NCAM2: variants seen among roughly 807,000 people sequenced by gnomAD.
NCAM2 encodes neural cell adhesion molecule 2, also known as N-CAM-2.
NCAM2 carries 30 observed loss-of-function variants against 98.1 expected under a neutral mutation model. The observed-to-expected ratio is 0.31, with a 90% confidence interval of 0.23 to 0.41. NCAM2 has a LOEUF of 0.41. Among genes scored for constraint, NCAM2 ranks in the 10% least tolerant of loss-of-function variants. NCAM2 has a pLI of 1.00. For missense variants in NCAM2, 867 were observed against 1,005.8 expected (o/e 0.86, Z 1.87); for synonymous variants, 368 against 342.4 (o/e 1.07, Z -0.83).
chr21:21,484,715 C>T (rs1274914071), intron 15 of NCAM2, among the ~76,000 whole-genome samples: 1 of 152,162 alleles, frequency 6.6e-6, no homozygotes, highest in African/African-American at 2.4e-5. Context: ...AGCTTTTTCT[C>T]CTTCCCCCAA....
At chr21:21,353,630 T>C (rs1330579392) in intron 8 of NCAM2, among the ~76,000 whole-genome samples, 1 of 152,208 alleles carries the variant, frequency 6.6e-6, no homozygotes, top group Non-Finnish European at 1.5e-5. Context: ...AATAGAAATA[T>C]AGATTTCTTA....
chr21:21,181,940 C>T (rs578136243), intron 1 of NCAM2, among the ~76,000 whole-genome samples: 12 of 151,636 alleles, frequency 7.9e-5, no homozygotes, highest in African/African-American at 2.7e-4. Flanking sequence ...TGCCTATAAT[C>T]CCAGCAATTT....
At chr21:21,445,386 C>G (rs1408037771) in intron 12 of NCAM2, among the ~76,000 whole-genome samples, 1 of 151,940 alleles carries the variant, frequency 6.6e-6, no homozygotes, top group African/African-American at 2.4e-5. Flanking sequence ...CCTGAATATC[C>G]TTGTTGATTT....
chr21:21,174,323 GTTAAAT>G (rs2068216478), intron 1 of NCAM2, among the ~76,000 whole-genome samples: 1 of 152,130 alleles, frequency 6.6e-6, no homozygotes, highest in South Asian at 2.1e-4. Context: ...AAGATGCCTA[GTTAAAT>G]TTAAATTTCC....
At chr21:21,131,279 T>TTG (rs1555888573) in intron 1 of NCAM2, among the ~76,000 whole-genome samples, 1 of 144,682 alleles carries the variant, frequency 6.9e-6, no homozygotes, top group African/African-American at 2.6e-5. Context: ...TTAATTTTTC[T>TTG]GGGGGGGGGC....
rs988503360 is a variant in NCAM2, at chr21:21,542,440, A to G, written c.*4483A>G. The G allele has an allele frequency of 2.6e-5, 4 of 151,818 alleles. No homozygotes were observed. The highest frequency in any genetic ancestry group is 4.8e-5 in the African/African-American group (2 of 41,410). The allele number at this position is 151,818 out of a possible 1,614,324, so 9.4% of individuals were successfully genotyped here. ...ATATTATTTGTTATTACCTCTTTAA[A>G]TTTTCATTTTATACAATTTTTGAGA... is the stretch of plus-strand genomic sequence containing the variant. On this transcript the variant is annotated 3_prime_UTR_variant, in exon 18 of 18. Transcript: ENST00000400546.
intron 16 of NCAM2, among the ~76,000 whole-genome samples, chr21:21,530,103 ATATAATT>A (rs1989549717): frequency 2.1e-5 from 3 of 145,500 alleles, no homozygotes; most frequent in Admixed American, 6.9e-5. Context: ...ATTTAATTAT[ATATAATT>A]TAATTTAATT....
chr21:21,106,083 A>G (rs2066339361), intron 1 of NCAM2, among the ~76,000 whole-genome samples: 1 of 152,048 alleles, frequency 6.6e-6, no homozygotes, highest in African/African-American at 2.4e-5. Context: ...AAAAAAGGAC[A>G]GTAGCTTGAA....
chr21:21,495,455 C>T (rs909850769), intron 15 of NCAM2, among the ~76,000 whole-genome samples: 12 of 151,950 alleles, frequency 7.9e-5, no homozygotes, highest in African/African-American at 2.4e-4. Flanking sequence ...TAGCCCAGGC[C>T]GCCTCTAGCT....
chr21:21,131,757 A>G (rs931933389), intron 1 of NCAM2, among the ~76,000 whole-genome samples: 3 of 152,150 alleles, frequency 2.0e-5, no homozygotes, highest in South Asian at 4.1e-4. Flanking sequence ...ATGCTTCTCA[A>G]TTTTATGCAT....
At chr21:21,256,931 CAA>C (rs2071695912) in intron 1 of NCAM2, among the ~76,000 whole-genome samples, 3 of 152,256 alleles carry the variant, frequency 2.0e-5, no homozygotes, top group Admixed American at 6.5e-5. Flanking sequence ...CTGATCTTTG[CAA>C]AGATTGCAGA....
intron 8 of NCAM2, among the ~76,000 whole-genome samples, chr21:21,344,934 G>A (rs970060748): frequency 6.6e-6 from 1 of 152,120 alleles, no homozygotes; most frequent in Non-Finnish European, 1.5e-5. Flanking sequence ...AGAAAATAGA[G>A]TGAGACTGTG....
At chr21:21,492,117 T>C (rs1986891434) in intron 15 of NCAM2, among the ~76,000 whole-genome samples, 1 of 151,748 alleles carries the variant, frequency 6.6e-6, no homozygotes, top group Admixed American at 6.6e-5. Context: ...TCTGAAGCTA[T>C]TATAACCAAA....
chr21:21,179,218 TAAAC>T (rs1278822315), intron 1 of NCAM2, among the ~76,000 whole-genome samples: 4 of 152,292 alleles, frequency 2.6e-5, no homozygotes, highest in Admixed American at 2.6e-4. Context: ...CTTTATATCT[TAAAC>T]AAAGTAATAA....
intron 12 of NCAM2, among the ~76,000 whole-genome samples, chr21:21,440,869 A>T (rs232412): frequency 0.4 from 60,421 of 151,778 alleles, 12,248 homozygotes; most frequent in South Asian, 0.49. Context: ...AGCTTAGTAA[A>T]CATTTTAGAT....
At chr21:21,045,987 A>G (rs977115070) in intron 1 of NCAM2, among the ~76,000 whole-genome samples, 1 of 152,160 alleles carries the variant, frequency 6.6e-6, no homozygotes, top group African/African-American at 2.4e-5. Flanking sequence ...ACCTCTTGCC[A>G]AGTTTCTGAC....
At chr21:21,535,035 T>C (rs906987900) in intron 17 of NCAM2, among the ~76,000 whole-genome samples, 1 of 152,150 alleles carries the variant, frequency 6.6e-6, no homozygotes, top group Admixed American at 6.5e-5. Flanking sequence ...TTGTCATCGC[T>C]TTGAATATAA....
At chr21:21,347,293 T>A (rs1366934452) in intron 8 of NCAM2, among the ~76,000 whole-genome samples, 1 of 151,932 alleles carries the variant, frequency 6.6e-6, no homozygotes, top group Non-Finnish European at 1.5e-5. Context: ...TTAATGACAT[T>A]TTTCACAGAA....
chr21:21,294,908 A>G (rs1185616520), intron 5 of NCAM2, among the ~76,000 whole-genome samples: 1 of 151,838 alleles, frequency 6.6e-6, no homozygotes, highest in Non-Finnish European at 1.5e-5. Flanking sequence ...AAATAATACC[A>G]ATAAAATAAA....
Sources: allele counts gnomAD v4.1 joint callset (sites outside exome capture counted in the v4.1 genomes callset), GRCh38; gene constraint gnomAD v4.1.1; transcripts MANE v1.5; gene names NCBI Gene and HGNC (gene_info 2026-07-23, HGNC 2026-07-21).